The following HACD2 variants were observed in gnomAD, a reference collection of about 807,000 sequenced individuals.
HACD2 encodes very-long-chain (3R)-3-hydroxyacyl-CoA dehydratase 2.
HACD2 carries 15 observed loss-of-function variants against 31.0 expected under a neutral mutation model. That is an observed-to-expected ratio of 0.48 (90% CI 0.32 to 0.75). The LOEUF (loss-of-function observed/expected upper bound fraction) is 0.75. Among genes scored for constraint, HACD2 ranks in the 30% least tolerant of loss-of-function variants. The pLI, the probability that HACD2 is intolerant of heterozygous loss-of-function variation, is 0.03. For missense variants in HACD2, 283 were observed against 313.0 expected (o/e 0.90, Z 0.72); for synonymous variants, 115 against 122.2 (o/e 0.94, Z 0.39).
chr3:123,513,843 G>A (rs888475514), intron 4 of HACD2, among the ~76,000 whole-genome samples: 6 of 152,178 alleles, frequency 3.9e-5, no homozygotes, highest in Non-Finnish European at 7.3e-5. Context: ...GTTGTATCAA[G>A]GCTGATTTCC....
intron 4 of HACD2, among the ~76,000 whole-genome samples, chr3:123,514,189 C>T (rs9871036): frequency 0.03 from 4,575 of 152,106 alleles, 77 homozygotes; most frequent in Middle Eastern, 0.088. Flanking sequence ...GTGGGAGAAT[C>T]GCTTGAGCCC....
rs2055767512 is a variant in HACD2 at position 123,491,867 on chromosome 3, T to G, written c.*3021A>C. 6.6e-6 allele frequency: 1 copy of G among 152,498 alleles called. No homozygotes were observed. Among genetic ancestry groups the G allele is most frequent in the Non-Finnish European group, 1.5e-5 (1 of 68,034 alleles). 9.4% of individuals were successfully genotyped at this position (152,498 alleles called of 1,614,324 possible). A position where few individuals can be genotyped will look rare whatever the true frequency, so the allele number is the denominator to read the frequency against. On this transcript the variant is annotated 3_prime_UTR_variant, in exon 7 of 7. Coordinates refer to ENST00000383657, the MANE Select transcript of HACD2 (RefSeq NM_198402.5). ...TTCAAAGGAGCAGTATGTATTGAATTTAATGTTTTATAATGTTTTATCTGA... is the reference window on the plus strand; with the variant it reads ...TTCAAAGGAGCAGTATGTATTGAATGTAATGTTTTATAATGTTTTATCTGA...
At chr3:123,504,131 G>T (rs574410770) in intron 4 of HACD2, among the ~76,000 whole-genome samples, 62 of 152,172 alleles carry the variant, frequency 4.1e-4, no homozygotes, top group Non-Finnish European at 8.1e-4. Context: ...AAGCTTTCAT[G>T]GTAAGATTTT....
intron 4 of HACD2, among the ~76,000 whole-genome samples, chr3:123,510,716 G>T (rs34267277): frequency 0.2 from 30,087 of 152,152 alleles, 3,342 homozygotes; most frequent in East Asian, 0.36. Flanking sequence ...TGAATATGCT[G>T]CTATGAACAT....
intron 4 of HACD2, among the ~76,000 whole-genome samples, chr3:123,525,407 T>C (rs1045794850): frequency 3.9e-5 from 6 of 152,186 alleles, no homozygotes; most frequent in Non-Finnish European, 7.3e-5. Flanking sequence ...GAGAAAACCA[T>C]CTGATCACTT....
At chr3:123,514,361 G>A (rs555547445) in intron 4 of HACD2, among the ~76,000 whole-genome samples, 11 of 152,264 alleles carry the variant, frequency 7.2e-5, no homozygotes, top group African/African-American at 2.2e-4. Flanking sequence ...AAGAGAATAT[G>A]AGAGTTCTTT....
intron 3 of HACD2, among the ~76,000 whole-genome samples, chr3:123,543,085 G>A (rs1034435930): frequency 2.0e-5 from 3 of 152,170 alleles, no homozygotes; most frequent in Admixed American, 1.3e-4. Flanking sequence ...TGAACAGAGG[G>A]CTGTATAAAG....
intron 4 of HACD2, 108 bp from the exon 5 acceptor site, chr3:123,502,789 C>CT: frequency 8.6e-7 from 1 of 1,161,516 alleles, no homozygotes; most frequent in Non-Finnish European, 1.2e-6. Context: ...CCGCTGGTCT[C>CT]TATCTTCAGG....
Position 123,582,230 on chromosome 3 carries a change from T to C in HACD2, c.255A>G (p.Gln85=), listed in dbSNP as rs768641838. The change falls in exon 2 of 7, where the codon CAA becomes CAG. Residue 85 remains glutamine, a synonymous_variant. Transcript: ENST00000383657. ...GACCTACCTCCAATAAGGCTCCAGTTTGAAAGAATTTCAAAGGCTTTTCAA... is the reference window on the plus strand; with the variant it reads ...GACCTACCTCCAATAAGGCTCCAGTCTGAAAGAATTTCAAAGGCTTTTCAA... ...YSIEKPLKFF[Q]TGALLEILHC... 1.3e-6 allele frequency: 2 copies of C among 1,596,248 alleles called. No individual in the cohort carries two copies. The highest frequency in any genetic ancestry group is 1.7e-6 in the Non-Finnish European group (2 of 1,171,344).
intron 4 of HACD2, among the ~76,000 whole-genome samples, chr3:123,524,935 A>T (rs1389864877): frequency 1.3e-5 from 2 of 152,370 alleles, no homozygotes; most frequent in East Asian, 3.9e-4. Context: ...GGAGACTACA[A>T]GCTACCTATC....
At chr3:123,516,939 C>T (rs2056145522) in intron 4 of HACD2, among the ~76,000 whole-genome samples, 1 of 152,222 alleles carries the variant, frequency 6.6e-6, no homozygotes, top group Non-Finnish European at 1.5e-5. Context: ...AAACAGATCT[C>T]CAGACTTCCT....
intron 2 of HACD2, among the ~76,000 whole-genome samples, chr3:123,569,706 G>A (rs993925564): frequency 1.8e-4 from 27 of 152,022 alleles, no homozygotes; most frequent in Admixed American, 1.3e-3. Flanking sequence ...CACCCAGACT[G>A]GCCAGGCATG....
At position 123,502,707 on chromosome 3, in the gene HACD2, A is replaced by G. The variant is rs770226479; in HGVS notation, c.382-26T>C. The G allele has an allele frequency of 8.9e-6, 14 of 1,576,416 alleles. No individual in the cohort carries two copies. The South Asian group carries it at 1.4e-4, about 16-fold the overall frequency. On this transcript the variant is annotated intron_variant, in intron 4 of 6. Transcript: ENST00000383657. Reference sequence around the variant, plus strand: ...CTGAAGGAAGAGGAAAACAAAAGAAAAAAAACACACAGACAACGTTAATGA... The same window carrying G: ...CTGAAGGAAGAGGAAAACAAAAGAAGAAAAACACACAGACAACGTTAATGA...
chr3:123,498,982 G>A (rs1268594127), intron 6 of HACD2, among the ~76,000 whole-genome samples: 2 of 152,188 alleles, frequency 1.3e-5, no homozygotes, highest in Admixed American at 1.3e-4. Flanking sequence ...CTGGAAGGAA[G>A]CCCTGCTTCC....
chr3:123,580,884 C>G (rs2107762906), intron 2 of HACD2, among the ~76,000 whole-genome samples: 1 of 132,514 alleles, frequency 7.5e-6, no homozygotes, highest in South Asian at 2.4e-4. Context: ...GAGACAGAGT[C>G]TCGTTCTGTT....
intron 3 of HACD2, among the ~76,000 whole-genome samples, chr3:123,544,376 A>G (rs1421799235): frequency 1.3e-5 from 2 of 152,182 alleles, no homozygotes; most frequent in African/African-American, 2.4e-5. Context: ...GTTCAGGTAC[A>G]AGAAGACCCA....
At chr3:123,572,658 A>G (rs548034698) in intron 2 of HACD2, among the ~76,000 whole-genome samples, 3 of 152,376 alleles carry the variant, frequency 2.0e-5, no homozygotes, top group African/African-American at 7.2e-5. Flanking sequence ...ACATCTTTTC[A>G]AAGTTTCTAA....
chr3:123,579,461 T>TA (rs879847756), intron 2 of HACD2, among the ~76,000 whole-genome samples: 94 of 145,564 alleles, frequency 6.5e-4, no homozygotes, highest in Middle Eastern at 7.2e-3. Context: ...CCAGCCCAGC[T>TA]AAAAAAAAAA....
chr3:123,521,955 A>C (rs1048640381), intron 4 of HACD2, among the ~76,000 whole-genome samples: 1 of 152,132 alleles, frequency 6.6e-6, no homozygotes, highest in African/African-American at 2.4e-5. Context: ...GGAATTTTTC[A>C]AGGGCTATAA....
Sources: gnomAD v4.1 joint callset for allele counts (sites outside exome capture counted in the v4.1 genomes callset) on GRCh38, gnomAD v4.1.1 for gene constraint, MANE v1.5 for transcripts, NCBI Gene and HGNC (gene_info 2026-07-23, HGNC 2026-07-21) for gene names.